Variants in PCDHA5 observed in about 807,000 individuals in gnomAD.
PCDHA5 encodes the protein protocadherin alpha 5, also known as protocadherin alpha-5.
A neutral mutation model predicts 61.6 loss-of-function variants in PCDHA5; 43 were observed. That is an observed-to-expected ratio of 0.70 (90% CI 0.55 to 0.90). The LOEUF (loss-of-function observed/expected upper bound fraction) is 0.90. Ranked by LOEUF, PCDHA5 falls within the 40% of genes least tolerant of loss-of-function variation. The pLI is 0.00. For synonymous variants in PCDHA5, 627 were observed against 543.9 expected, an observed-to-expected ratio of 1.15 and a Z score of -2.13; for missense variants, 1,298 against 1,222.7, an observed-to-expected ratio of 1.06 and a Z score of -0.92.
At position 140,822,420 on chromosome 5, in the gene PCDHA5, T is replaced by A; in HGVS notation, c.645T>A (p.Asp215Glu). ...ACCGTTTATTAGTGATTGCAACTGA[T>A]GGAGGAAAACCCGAACTAACAGGTA... Reference protein sequence around the residue: ...QEHRLLVIATDGGKPELTGTV... With the variant: ...QEHRLLVIATEGGKPELTGTV... Residue 215 changes from aspartate to glutamate, a missense_variant, in exon 1 of 4, where the codon GAT becomes GAA. Physicochemically the swap from Asp to Glu is conservative, Grantham distance 45 (BLOSUM62 2). Transcript: ENST00000529859. 6.2e-7 allele frequency: 1 copy of A among 1,614,088 alleles called. No individual in the cohort carries two copies. The highest frequency in any genetic ancestry group is 8.5e-7 in the Non-Finnish European group (1 of 1,180,036).
rs1775694591 is a variant in PCDHA5 at position 140,838,348 on chromosome 5, T to C, written c.2352+14221T>C. ...CATGTTGCCCCGGCTGGTCTCGAAA[T>C]CTGGGACTCAAGTGATCTGACTGCC... On this transcript the variant is annotated intron_variant, in intron 1 of 3. Coordinates refer to ENST00000529859, the MANE Select transcript of PCDHA5 (RefSeq NM_018908.3). Among the ~76,000 whole-genome samples the C allele has an allele frequency of 1.3e-5, 2 of 150,108 alleles. 1 individual carries two copies. The highest frequency in any genetic ancestry group is 4.9e-5 in the African/African-American group (2 of 40,592).
intron 1 of PCDHA5, among the ~76,000 whole-genome samples, chr5:140,845,905 T>C (rs1299056120): frequency 6.7e-6 from 1 of 149,748 alleles, no homozygotes; most frequent in Non-Finnish European, 1.5e-5. Context: ...TGGCCTTCCA[T>C]ATTAATCTTA....
chr5:140,938,793 A>G lies in PCDHA5; in HGVS notation c.2353-40156A>G, dbSNP rs543840345. 2.6e-5 allele frequency among the ~76,000 whole-genome samples: 4 copies of G among 152,268 alleles called. No individual in the cohort carries two copies. The East Asian group carries it at 7.7e-4, about 29-fold the overall frequency. On this transcript the variant is annotated intron_variant, in intron 1 of 3. Coordinates refer to ENST00000529859, the MANE Select transcript of PCDHA5 (RefSeq NM_018908.3). ...AGACTTAGTACCTGAATGATGAAAT[A>G]ATCGGTACCACAAACCCCTGTGACA...
At chr5:140,987,211 C>T (rs1190567678) in intron 3 of PCDHA5, among the ~76,000 whole-genome samples, 2 of 145,072 alleles carry the variant, frequency 1.4e-5, no homozygotes, top group Non-Finnish European at 3.0e-5. Flanking sequence ...GAGACTCCAT[C>T]TCAAAAAAAA....
intron 3 of PCDHA5, among the ~76,000 whole-genome samples, chr5:141,000,421 ATTTTTTT>A (rs34755515): frequency 5.7e-4 from 16 of 27,976 alleles, no homozygotes; most frequent in Non-Finnish European, 7.4e-4. Flanking sequence ...ATATATATAT[ATTTTTTT>A]TTTTTTTTTT....
Position 141,009,653 on chromosome 5 carries a change from C to T in PCDHA5, c.2527C>T (p.Pro843Ser). ...ACCAGAGGCAGGAGAAGTGTCCCCTCCAGTCGGTGCGGGTGTCAACAGCAA... is the reference window on the plus strand; with the variant it reads ...ACCAGAGGCAGGAGAAGTGTCCCCTTCAGTCGGTGCGGGTGTCAACAGCAA... The part of the protein sequence containing the change: ...PEPEAGEVSP[P>S]VGAGVNSNSW... The change falls in exon 4 of 4, where the codon CCA becomes TCA. Residue 843 changes from proline (P) to serine (S), a missense_variant. Physicochemically the swap from Pro to Ser is moderately conservative, Grantham distance 74. Transcript: ENST00000529859. 1 of 1,613,998 alleles carries T rather than the reference C, an allele frequency of 6.2e-7. No individual in the cohort carries two copies. The highest frequency in any genetic ancestry group is 8.5e-7 in the Non-Finnish European group (1 of 1,179,950).
At chr5:140,868,440 G>A (rs2050457998) in intron 1 of PCDHA5, 1 of 152,152 alleles carries the variant, frequency 6.6e-6, no homozygotes, top group Admixed American at 6.6e-5. Flanking sequence ...AGATCATGTG[G>A]AACATAAACA....
In PCDHA5 at chr5:140,871,231, C is replaced by A. The variant is rs371096811; in HGVS notation, c.2352+47104C>A. The A allele has an allele frequency of 1.9e-6, 3 of 1,613,814 alleles. No individual in the cohort carries two copies. The African/African-American group carries it at 4.0e-5, about 22-fold the overall frequency. On this transcript the variant is annotated intron_variant, in intron 1 of 3. Coordinates refer to ENST00000529859, the MANE Select transcript of PCDHA5 (RefSeq NM_018908.3). ...CGCCATCTGCGTGGTGTCCAGCCTC[C>A]TGGTACTCACGCTGCTGCTGTATAC...
chr5:140,925,427 G>A (rs1394500937), intron 1 of PCDHA5, among the ~76,000 whole-genome samples: 2 of 152,012 alleles, frequency 1.3e-5, no homozygotes, highest in Non-Finnish European at 2.9e-5. Context: ...CTGGTTGTAG[G>A]GTGTTAGGCA....
chr5:140,949,335 C>T (rs1388078558), intron 1 of PCDHA5, among the ~76,000 whole-genome samples: 1 of 151,586 alleles, frequency 6.6e-6, no homozygotes, highest in Non-Finnish European at 1.5e-5. Flanking sequence ...TATTGTTATC[C>T]AGATTTTCTG....
intron 3 of PCDHA5, among the ~76,000 whole-genome samples, chr5:140,986,799 CTTAG>C (rs782752084): frequency 3.9e-5 from 6 of 152,154 alleles, no homozygotes; most frequent in South Asian, 4.1e-4. Context: ...GGCAGTGAGT[CTTAG>C]TTAGAGAACT....
chr5:140,972,130 TTAC>T (rs1424151392), intron 1 of PCDHA5, among the ~76,000 whole-genome samples: 1 of 152,022 alleles, frequency 6.6e-6, no homozygotes, highest in Non-Finnish European at 1.5e-5. Flanking sequence ...TATCAGTGAG[TTAC>T]TACTATTTTT....
chr5:140,828,238 G>T (rs782682272), intron 1 of PCDHA5: 6 of 1,613,818 alleles, frequency 3.7e-6, no homozygotes, highest in African/African-American at 2.7e-5. Flanking sequence ...GCCGGATCGC[G>T]CAGGACCTGG....
intron 1 of PCDHA5, chr5:140,876,542 T>C (rs782388773): frequency 5.0e-6 from 8 of 1,614,194 alleles, no homozygotes; most frequent in Non-Finnish European, 5.9e-6. Flanking sequence ...TCACTGTCGC[T>C]CCCTGTGCAA....
At chr5:140,862,599 G>A (rs2047441695) in intron 1 of PCDHA5, 1 of 513,082 alleles carries the variant, frequency 1.9e-6, no homozygotes, top group East Asian at 5.2e-5. Context: ...AGTACATGGT[G>A]TTCGTGAAAG....
At chr5:140,917,324 C>CGGT (rs2078038330) in intron 1 of PCDHA5, among the ~76,000 whole-genome samples, 1 of 76,126 alleles carries the variant, frequency 1.3e-5, no homozygotes, top group Admixed American at 1.5e-4. Flanking sequence ...GTTCATGTGG[C>CGGT]GGGGGAGGGG....
In PCDHA5 at chr5:141,010,015, C is replaced by G; in HGVS notation, c.*78C>G. On this transcript the variant is annotated 3_prime_UTR_variant, in exon 4 of 4. Transcript: ENST00000529859. ...CTCTCCCATGTAGCAATTCCCTGCT[C>G]CTTTTTCCTATCTACATGAGCCCTC... is the stretch of plus-strand genomic sequence containing the variant. 6.4e-7 allele frequency: 1 copy of G among 1,572,182 alleles called. No homozygotes were observed. Among genetic ancestry groups the G allele is most frequent in the Non-Finnish European group, 8.6e-7 (1 of 1,163,250 alleles).
intron 1 of PCDHA5, among the ~76,000 whole-genome samples, chr5:140,911,436 C>T (rs369054235): frequency 6.1e-4 from 93 of 152,242 alleles, no homozygotes; most frequent in South Asian, 2.9e-3. Context: ...TCCAATTTCC[C>T]GCAATTTCAG....
At chr5:140,945,481 C>T (rs269552) in intron 1 of PCDHA5, among the ~76,000 whole-genome samples, 33,891 of 151,742 alleles carry the variant, frequency 0.22, 4,873 homozygotes, top group African/African-American at 0.41. Flanking sequence ...ACAAAACACC[C>T]CAAATACCCA....
Sources: gnomAD v4.1 joint callset for allele counts (sites outside exome capture counted in the v4.1 genomes callset) on GRCh38, gnomAD v4.1.1 for gene constraint, MANE v1.5 for transcripts, NCBI Gene and HGNC (gene_info 2026-07-23, HGNC 2026-07-21) for gene names.